Variants in ADAMTS19 observed in about 807,000 individuals in gnomAD.
The protein encoded by ADAMTS19 is ADAM metallopeptidase with thrombospondin type 1 motif 19.
Under a neutral mutation model 153.3 loss-of-function variants are expected in ADAMTS19, and 93 were observed. That is an observed-to-expected ratio of 0.61 (90% confidence interval 0.51 to 0.72). ADAMTS19 has a LOEUF of 0.72. Ranked by LOEUF, ADAMTS19 falls within the 30% of genes least tolerant of loss-of-function variation. ADAMTS19 has a pLI of 0.00. For synonymous variants in ADAMTS19, 600 were observed against 556.6 expected (o/e 1.08, Z -1.10); for missense variants, 1,482 against 1,552.1 (o/e 0.95, Z 0.76).
chr5:129,508,258 G>T (rs1162909337), intron 2 of ADAMTS19, among the ~76,000 whole-genome samples: 1 of 151,868 alleles, frequency 6.6e-6, no homozygotes, highest in Non-Finnish European at 1.5e-5. Context: ...CTATCTATAT[G>T]TATTAATTAT....
At position 129,709,751 on chromosome 5, in the gene ADAMTS19, A is replaced by G. The variant is rs1756351978; in HGVS notation, c.3312+5360A>G. On this transcript the variant is annotated intron_variant, in intron 21 of 22. Transcript: ENST00000274487. Reference sequence around the variant, plus strand: ...CTAGAAAGACAATACAAGATTTATTACCTTGTCATTTTGAGCCTTACCTAT... The same window carrying G: ...CTAGAAAGACAATACAAGATTTATTGCCTTGTCATTTTGAGCCTTACCTAT... 3.3e-5 allele frequency among the ~76,000 whole-genome samples: 5 copies of G among 152,322 alleles called. No homozygotes were observed. The South Asian group carries it at 1.0e-3, about 32-fold the overall frequency.
At chr5:129,649,078 A>T (rs1753198678) in intron 13 of ADAMTS19, 108 bp downstream of exon 13, 2 of 1,148,538 alleles carry the variant, frequency 1.7e-6, no homozygotes, top group Non-Finnish European at 2.4e-6. Flanking sequence ...AATATTTCTG[A>T]ACTTTAATTT....
At chr5:129,669,917 G>A (rs1392724878) in intron 16 of ADAMTS19, among the ~76,000 whole-genome samples, 1 of 151,690 alleles carries the variant, frequency 6.6e-6, no homozygotes, top group Non-Finnish European at 1.5e-5. Context: ...ATCCCTTTGT[G>A]GTCAGAGAAG....
intron 6 of ADAMTS19, among the ~76,000 whole-genome samples, chr5:129,547,972 A>G (rs1199826343): frequency 1.3e-5 from 2 of 150,866 alleles, no homozygotes; most frequent in Admixed American, 6.6e-5. Flanking sequence ...GGCTAGCCAT[A>G]TGTAGAAAGC....
chr5:129,705,519 A>G (rs545515297), intron 21 of ADAMTS19, among the ~76,000 whole-genome samples: 8 of 152,178 alleles, frequency 5.3e-5, no homozygotes, highest in Admixed American at 1.3e-4. Context: ...CTCTCTTTCT[A>G]CTACTTACAA....
chr5:129,524,678 G>A (rs1364486253), intron 3 of ADAMTS19, among the ~76,000 whole-genome samples: 2 of 150,500 alleles, frequency 1.3e-5, no homozygotes, highest in African/African-American at 4.9e-5. Context: ...AGACATTTAT[G>A]CAGCCAGTGA....
chr5:129,582,320 T>G (rs1749556027), intron 7 of ADAMTS19, among the ~76,000 whole-genome samples: 2 of 151,806 alleles, frequency 1.3e-5, no homozygotes, highest in South Asian at 4.2e-4. Context: ...TAGCTCTTCT[T>G]GTTGCGTTGA....
At chr5:129,628,003 G>A (rs1452850235) in intron 10 of ADAMTS19, among the ~76,000 whole-genome samples, 1 of 151,946 alleles carries the variant, frequency 6.6e-6, no homozygotes, top group Non-Finnish European at 1.5e-5. Flanking sequence ...CATGCATGTG[G>A]ATGTTCACTG....
chr5:129,461,008 G>A lies in ADAMTS19; in HGVS notation c.92-94G>A. ...GTGGTCTCCATTGCATTCAACGCGA[G>A]CGCCCTGTATCTATGGACTGTGAGC... On this transcript the variant is annotated intron_variant, in intron 1 of 22. Coordinates refer to ENST00000274487, the MANE Select transcript of ADAMTS19 (RefSeq NM_133638.6). The surrounding 1 kb of genome is among the most constrained non-coding windows in gnomAD (Gnocchi z 4.6). 1 of 1,255,382 alleles carries A rather than the reference G, an allele frequency of 8.0e-7. No individual in the cohort carries two copies. Among genetic ancestry groups the A allele is most frequent in the Non-Finnish European group, 1.0e-6 (1 of 1,001,258 alleles). The allele number at this position is 1,255,382 out of a possible 1,614,324, so 77.8% of individuals were successfully genotyped here.
intron 3 of ADAMTS19, among the ~76,000 whole-genome samples, chr5:129,524,451 CA>C (rs1751931857): frequency 6.6e-6 from 1 of 152,050 alleles, no homozygotes; most frequent in Non-Finnish European, 1.5e-5. Context: ...CCAAAATTGA[CA>C]AATGGGATCT....
chr5:129,582,987 G>A (rs1245267648), intron 7 of ADAMTS19, among the ~76,000 whole-genome samples: 3 of 152,090 alleles, frequency 2.0e-5, no homozygotes, highest in African/African-American at 7.2e-5. Flanking sequence ...GTTATTTGAT[G>A]CAGTTTCTTC....
chr5:129,495,920 AT>A (rs1199274415), intron 2 of ADAMTS19, among the ~76,000 whole-genome samples: 3 of 152,022 alleles, frequency 2.0e-5, no homozygotes, highest in African/African-American at 4.8e-5. Context: ...ATTACAATAG[AT>A]TTTTAGCCTC....
At chr5:129,513,668 T>C (rs553239115) in intron 3 of ADAMTS19, among the ~76,000 whole-genome samples, 21 of 152,168 alleles carry the variant, frequency 1.4e-4, no homozygotes, top group Middle Eastern at 3.4e-3. Flanking sequence ...GGGTACATAG[T>C]AGGTGTATAT....
intron 21 of ADAMTS19, among the ~76,000 whole-genome samples, chr5:129,718,887 T>A (rs992256042): frequency 7.9e-5 from 12 of 152,186 alleles, no homozygotes; most frequent in Admixed American, 7.2e-4. Flanking sequence ...ATTTAGGAAT[T>A]CCTATTTCTT....
At chr5:129,471,158 G>T (rs962326755) in intron 2 of ADAMTS19, among the ~76,000 whole-genome samples, 1 of 151,960 alleles carries the variant, frequency 6.6e-6, no homozygotes, top group Admixed American at 6.6e-5. Context: ...TTAAAAATAA[G>T]GCTTCCAGAC....
At chr5:129,504,276 A>G (rs1751198876) in intron 2 of ADAMTS19, among the ~76,000 whole-genome samples, 1 of 152,112 alleles carries the variant, frequency 6.6e-6, no homozygotes, top group African/African-American at 2.4e-5. Flanking sequence ...CCTTTCTCAG[A>G]TCTTAAATTT....
At chr5:129,626,202 C>A (rs970173038) in intron 10 of ADAMTS19, among the ~76,000 whole-genome samples, 2 of 152,026 alleles carry the variant, frequency 1.3e-5, no homozygotes, top group Non-Finnish European at 2.9e-5. Flanking sequence ...AAATCAGATG[C>A]TCTCCAGTCT....
chr5:129,644,044 T>G (rs1752945473), intron 11 of ADAMTS19, among the ~76,000 whole-genome samples: 1 of 152,188 alleles, frequency 6.6e-6, no homozygotes, highest in East Asian at 1.9e-4. Flanking sequence ...AATATTTTTC[T>G]GCTATGATTT....
At chr5:129,630,713 A>C (rs1013942161) in intron 10 of ADAMTS19, among the ~76,000 whole-genome samples, 1 of 152,118 alleles carries the variant, frequency 6.6e-6, no homozygotes, top group Admixed American at 6.6e-5. Flanking sequence ...AAAGAAAAAC[A>C]AAACAGAAAA....
Sources: allele counts gnomAD v4.1 joint callset (sites outside exome capture counted in the v4.1 genomes callset), GRCh38; gene constraint gnomAD v4.1.1; non-coding constraint Gnocchi (gnomAD v3.1); transcripts MANE v1.5; gene names NCBI Gene and HGNC (gene_info 2026-07-23, HGNC 2026-07-21).